CRHBP: variants seen among roughly 807,000 people sequenced by gnomAD.
The protein encoded by CRHBP is corticotropin releasing hormone binding protein.
A neutral mutation model predicts 34.9 loss-of-function variants in CRHBP; 19 were observed. The ratio of observed to expected loss-of-function variants is 0.55; its 90% CI spans 0.38 to 0.80. The LOEUF (loss-of-function observed/expected upper bound fraction) is 0.80, where lower values mean the gene tolerates loss of function less well. Ranked by LOEUF, CRHBP falls within the 30% of genes least tolerant of loss-of-function variation. The pLI, the probability that CRHBP is intolerant of heterozygous loss-of-function variation, is 0.00. For missense variants in CRHBP, 328 were observed against 409.2 expected (o/e 0.80, Z 1.71); for synonymous variants, 154 against 153.4 (o/e 1.00, Z -0.03).
intron 2 of CRHBP, among the ~76,000 whole-genome samples, chr5:76,975,134 A>G (rs1746006331): frequency 6.6e-6 from 1 of 152,228 alleles, no homozygotes; most frequent in Admixed American, 6.5e-5. Flanking sequence ...TCTCCTTTCC[A>G]GGTTTTTAAA....
chr5:76,968,181 A>G (rs962631172), intron 6 of CRHBP, among the ~76,000 whole-genome samples: 25 of 151,070 alleles, frequency 1.7e-4, no homozygotes, highest in Non-Finnish European at 2.9e-5. Context: ...AATTCAGAAA[A>G]TGATAAACAG....
chr5:76,955,713 C>T lies in CRHBP; in HGVS notation c.394C>T (p.Pro132Ser), dbSNP rs1464127382. ...CCCCAGTTCCCAGGATCATCCTCTC[C>T]CCTCAGCTGAGCGGTACATAGATTT... ...KFPSSQDHPL[P>S]SAERYIDFCE... is the part of the protein sequence containing the mutation. The change falls in exon 4 of 7, where the codon CCC becomes TCC. Residue 132 changes from proline (P) to serine (S), a missense_variant. Physicochemically the swap from Pro to Ser is moderately conservative, Grantham distance 74 (BLOSUM62 -1). This residue lies in a region of CRHBP where 173 missense variants were observed against 172.2 expected (regional missense o/e 1.00). Coordinates refer to ENST00000274368, the MANE Select transcript of CRHBP (RefSeq NM_001882.4). 2 of 1,614,214 alleles carry T rather than the reference C, an allele frequency of 1.2e-6. No homozygotes were observed. Among genetic ancestry groups the T allele is most frequent in the Non-Finnish European group, 1.7e-6 (2 of 1,180,048 alleles).
intron 6 of CRHBP, among the ~76,000 whole-genome samples, chr5:76,964,761 CAGG>C (rs1460394345): frequency 6.6e-6 from 1 of 152,128 alleles, no homozygotes; most frequent in Non-Finnish European, 1.5e-5. Context: ...GAGGCTGAAG[CAGG>C]AGAATTGCTT....
chr5:76,967,421 T>C (rs917132581), intron 6 of CRHBP, among the ~76,000 whole-genome samples: 3 of 152,132 alleles, frequency 2.0e-5, no homozygotes, highest in African/African-American at 7.2e-5. Flanking sequence ...AGGTATGTGT[T>C]TGAGTGGTAC....
chr5:76,953,082 G>C lies in CRHBP; in HGVS notation c.-53G>C. On this transcript the variant is annotated 5_prime_UTR_variant, in exon 1 of 7. Coordinates refer to ENST00000274368, the MANE Select transcript of CRHBP (RefSeq NM_001882.4). ...TCAGTCTGCGCGAGGGTGTAGGAAG[G>C]AAAGCCCAGGACCTCCGGAGCAGAG... 5 of 1,587,142 alleles carry C rather than the reference G, an allele frequency of 3.2e-6. No homozygotes were observed. Among genetic ancestry groups the C allele is most frequent in the Non-Finnish European group, 4.3e-6 (5 of 1,155,658 alleles).
intron 3 of CRHBP, among the ~76,000 whole-genome samples, chr5:76,978,475 G>T (rs1423415442): frequency 2.0e-5 from 3 of 152,214 alleles, no homozygotes; most frequent in African/African-American, 7.2e-5. Context: ...CTGGATGATA[G>T]CACATCTGTT....
At chr5:76,973,561 C>T (rs1745978891), downstream of CRHBP, among the ~76,000 whole-genome samples, 1 of 152,216 alleles carries the variant, frequency 6.6e-6, no homozygotes, top group African/African-American at 2.4e-5. Context: ...AGTCTTCTCA[C>T]ACTGAATTGC....
Position 76,953,678 on chromosome 5 carries a change from G to A in CRHBP, c.159G>A (p.Pro53=), listed in dbSNP as rs78115247. Residue 53 remains proline, a synonymous_variant, in exon 2 of 7, where the codon CCG becomes CCA. Coordinates refer to ENST00000274368, the MANE Select transcript of CRHBP (RefSeq NM_001882.4). ...AGCGGGAGCTGGCTGGGGAGCAGCC[G>A]TACCGCCGCGCTCTGCGTGAGTCGA... ...NLKRELAGEQ[P]YRRALRCLDM... The A allele has an allele frequency of 6.2e-3, 10,037 of 1,609,112 alleles. 61 individuals carry two copies. The highest frequency in any genetic ancestry group is 7.7e-3 in the Non-Finnish European group (9,067 of 1,177,970).
rs774272979 is a variant in CRHBP at position 76,954,157 on chromosome 5, A to C, written c.304A>C (p.Ile102Leu). The change falls in exon 3 of 7, where the codon ATC becomes CTC. Residue 102 changes from isoleucine to leucine, a missense_variant. Transcript: ENST00000274368. ...TACCATCCACTACGACCAGGTCTCC[A>C]TCGACTGTCAGGGCGGCGACTTCCT... ...FITIHYDQVS[I>L]DCQGGDFLKV... The C allele has an allele frequency of 2.5e-6, 4 of 1,613,618 alleles. No homozygotes were observed. Among genetic ancestry groups the C allele is most frequent in the Non-Finnish European group, 3.4e-6 (4 of 1,179,854 alleles).
chr5:76,969,025 A>T lies in CRHBP; in HGVS notation c.*140A>T. On this transcript the variant is annotated 3_prime_UTR_variant, in exon 7 of 7. Transcript: ENST00000274368. ...CTTGAGCGCACGCGCGCACACACAC[A>T]CACACATACACACACGCATTAATTT... is the stretch of plus-strand genomic sequence containing the variant. 1.3e-6 allele frequency: 1 copy of T among 763,502 alleles called. No individual in the cohort carries two copies. Among genetic ancestry groups the T allele is most frequent in the East Asian group, 2.9e-5 (1 of 33,956 alleles). 47.3% of individuals were successfully genotyped at this position (763,502 alleles called of 1,614,324 possible). A position where few individuals can be genotyped will look rare whatever the true frequency, so the allele number is the denominator to read the frequency against.
chr5:76,968,126 G>A (rs923443167), intron 6 of CRHBP, among the ~76,000 whole-genome samples: 8 of 151,634 alleles, frequency 5.3e-5, no homozygotes, highest in East Asian at 1.9e-4. Context: ...ATGTCTATAC[G>A]ATGCAAATGA....
chr5:76,968,341 C>T (rs954863773), intron 6 of CRHBP, among the ~76,000 whole-genome samples: 4 of 151,920 alleles, frequency 2.6e-5, no homozygotes, highest in Admixed American at 1.3e-4. Flanking sequence ...CTTAGAGGGC[C>T]GTACTGTTTC....
downstream of CRHBP, among the ~76,000 whole-genome samples, chr5:76,969,852 C>T (rs1281634648): frequency 1.3e-5 from 2 of 150,320 alleles, no homozygotes; most frequent in Non-Finnish European, 2.9e-5. Context: ...AGCTTTGTTC[C>T]GTGTTTGGCT....
intron 5 of CRHBP, among the ~76,000 whole-genome samples, chr5:76,961,977 C>A (rs1234169912): frequency 6.6e-6 from 1 of 152,196 alleles, no homozygotes; most frequent in Non-Finnish European, 1.5e-5. Flanking sequence ...TGGTCTCGAA[C>A]TCCTGACCTC....
At chr5:76,977,478 T>C (rs1746057155) in intron 3 of CRHBP, among the ~76,000 whole-genome samples, 1 of 152,228 alleles carries the variant, frequency 6.6e-6, no homozygotes, top group Non-Finnish European at 1.5e-5. Context: ...TTATCATAGC[T>C]GTTATGGTGA....
chr5:76,965,023 AAC>A (rs1256362912), intron 6 of CRHBP, among the ~76,000 whole-genome samples: 7 of 151,764 alleles, frequency 4.6e-5, no homozygotes, highest in African/African-American at 1.5e-4. Flanking sequence ...GTAAAAAAAA[AAC>A]ACACAAAAAA....
intron 3 of CRHBP, among the ~76,000 whole-genome samples, chr5:76,955,370 C>T (rs757266432): frequency 1.3e-5 from 2 of 152,196 alleles, no homozygotes; most frequent in Middle Eastern, 3.4e-3. Flanking sequence ...GTACATTGTA[C>T]GTTGTTTTAT....
chr5:76,960,024 G>A (rs1158424513), intron 5 of CRHBP, among the ~76,000 whole-genome samples: 1 of 152,204 alleles, frequency 6.6e-6, no homozygotes, highest in African/African-American at 2.4e-5. Flanking sequence ...TGTAGATGCT[G>A]GAAATTAGCA....
Position 76,953,530 on chromosome 5 carries a change from G to A in CRHBP, c.82-71G>A. The stretch of plus-strand genomic sequence containing the variant: ...CGCTATGCTGAGTGGCAGGGAGGGT[G>A]CCCCGCTCCTGGTCCCCTTTTTTAT... On this transcript the variant is annotated intron_variant, in intron 1 of 6. Transcript: ENST00000274368. 5.7e-6 allele frequency: 8 copies of A among 1,412,716 alleles called. No individual in the cohort carries two copies. In the South Asian group the frequency reaches 9.7e-5, roughly 17 times the overall value. The allele number at this position is 1,412,716 out of a possible 1,614,324, so 87.5% of individuals were successfully genotyped here.
Sources: allele counts gnomAD v4.1 joint callset (sites outside exome capture counted in the v4.1 genomes callset), GRCh38; gene constraint gnomAD v4.1.1; regional missense constraint gnomAD v4.1.1; transcripts MANE v1.5; gene names NCBI Gene and HGNC (gene_info 2026-07-23, HGNC 2026-07-21).